Variants in GNPTAB observed in about 807,000 individuals in gnomAD.
The protein encoded by GNPTAB is N-acetylglucosamine-1-phosphate transferase subunits alpha and beta.
Under a neutral mutation model 136.6 loss-of-function variants are expected in GNPTAB, and 92 were observed. The ratio of observed to expected loss-of-function variants is 0.67; its 90% CI spans 0.57 to 0.80. The LOEUF is 0.80. Ranked by LOEUF, GNPTAB falls within the 30% of genes least tolerant of loss-of-function variation. The probability of loss-of-function intolerance (pLI) is 0.00; values close to 1 mark genes in which losing one functional copy is unlikely to be tolerated. For synonymous variants in GNPTAB, 512 were observed against 535.1 expected (o/e 0.96, Z 0.60); for missense variants, 1,343 against 1,501.8 (o/e 0.89, Z 1.75).
intron 7 of GNPTAB, among the ~76,000 whole-genome samples, chr12:101,772,909 C>T (rs150207620): frequency 0.056 from 8,552 of 152,214 alleles, 346 homozygotes; most frequent in East Asian, 0.12. Flanking sequence ...CTCCATCTCC[C>T]GGGTTCAAGT....
At chr12:101,793,536 G>A (rs1369087623) in intron 2 of GNPTAB, among the ~76,000 whole-genome samples, 1 of 152,118 alleles carries the variant, frequency 6.6e-6, no homozygotes, top group Non-Finnish European at 1.5e-5. Context: ...TGATCTGCAC[G>A]AGGTCAATGA....
intron 1 of GNPTAB, among the ~76,000 whole-genome samples, chr12:101,826,708 AAAT>A (rs1455692699): frequency 1.3e-5 from 2 of 152,052 alleles, no homozygotes; most frequent in Admixed American, 1.3e-4. Context: ...GATGGCCCTG[AAAT>A]AATAAATTTT....
chr12:101,768,020 GT>G lies in GNPTAB; in HGVS notation c.1408+16del. The G allele has an allele frequency of 6.2e-7, 1 of 1,613,406 alleles. No homozygotes were observed. The highest frequency in any genetic ancestry group is 8.5e-7 in the Non-Finnish European group (1 of 1,179,338). Reference sequence around the variant, plus strand: ...ATTCCATAAAAATGAACGAATTACAGTTTAACACATCCTTACCAGAGCAATC... The same window carrying G: ...ATTCCATAAAAATGAACGAATTACAGTTAACACATCCTTACCAGAGCAATC... On this transcript the variant is annotated intron_variant, in intron 11 of 20. Transcript: ENST00000299314.
rs370696342 is a variant in GNPTAB at position 101,780,233 on chromosome 12, C to G, written c.690G>C (p.Leu230=). The change falls in exon 7 of 21, where the codon CTG becomes CTC. Residue 230 remains leucine (L), a synonymous_variant. Transcript: ENST00000299314. ...GLVLMQDLAF[L]SGFPPTFKET... is the part of the protein sequence containing the mutation. ...CCTTGAATGTTGGTGGAAATCCACT[C>G]AGGAAAGCCAAATCTTGCATTAGCA... The G allele has an allele frequency of 6.2e-7, 1 of 1,613,602 alleles. No individual in the cohort carries two copies. Among genetic ancestry groups the G allele is most frequent in the African/African-American group, 1.3e-5 (1 of 75,034 alleles).
Position 101,803,628 on chromosome 12 carries a change from C to A in GNPTAB, c.118-6866G>T, listed in dbSNP as rs113973328. ...TGGCTACCCTCTTTGGATTCTCTAC[C>A]GCAATAGACACACAACATAACAGAT... On this transcript the variant is annotated intron_variant, in intron 1 of 20. Coordinates refer to ENST00000299314, the MANE Select transcript of GNPTAB (RefSeq NM_024312.5). Among the ~76,000 whole-genome samples, 575 of 152,240 alleles carry A rather than the reference C, an allele frequency of 3.8e-3. 13 individuals are homozygous for A. Among genetic ancestry groups the A allele is most frequent in the African/African-American group, 0.013 (524 of 41,548 alleles).
At chr12:101,775,342 C>A (rs927254563) in intron 7 of GNPTAB, among the ~76,000 whole-genome samples, 8 of 150,904 alleles carry the variant, frequency 5.3e-5, no homozygotes, top group Non-Finnish European at 8.8e-5. Flanking sequence ...TTCAACAATT[C>A]AAAGCTATTA....
intron 1 of GNPTAB, among the ~76,000 whole-genome samples, chr12:101,823,039 G>A (rs1419639167): frequency 6.6e-6 from 1 of 152,194 alleles, no homozygotes; most frequent in Non-Finnish European, 1.5e-5. Flanking sequence ...CCTTTCAAGA[G>A]ATTTGCTTAA....
At chr12:101,817,319 G>A (rs1281223916) in intron 1 of GNPTAB, among the ~76,000 whole-genome samples, 3 of 146,448 alleles carry the variant, frequency 2.0e-5, no homozygotes, top group Admixed American at 6.9e-5. Context: ...ACCCAGGGTG[G>A]AGCAGTGGCA....
In GNPTAB at chr12:101,757,557, G is replaced by A. The variant is rs373942566; in HGVS notation, c.3335+15C>T. ...CTCTTATACTAAACAAAGGGAGTAT[G>A]CGTGTACTACTTACCTATATTTGTT... is the stretch of plus-strand genomic sequence containing the variant. On this transcript the variant is annotated intron_variant, in intron 17 of 20. Transcript: ENST00000299314. 3 of 1,197,468 alleles carry A rather than the reference G, an allele frequency of 2.5e-6. No individual in the cohort carries two copies. In the African/African-American group the frequency reaches 4.5e-5, roughly 18 times the overall value. 74.2% of individuals were successfully genotyped at this position (1,197,468 alleles called of 1,614,324 possible). A position where few individuals can be genotyped will look rare whatever the true frequency, so the allele number is the denominator to read the frequency against.
At position 101,780,248 on chromosome 12, in the gene GNPTAB, T is replaced by G. The variant is rs567299047; in HGVS notation, c.675A>C (p.Gln225His). Residue 225 changes from glutamine to histidine, a missense_variant, in exon 7 of 21, where the codon CAA becomes CAC. Gln to His is a conservative substitution (Grantham distance 24, BLOSUM62 0). Transcript: ENST00000299314. ...GAAATCCACTCAGGAAAGCCAAATC[T>G]TGCATTAGCACTAATCCAGGGACTT... The part of the protein sequence containing the change: ...DKEVPGLVLM[Q>H]DLAFLSGFPP... 1 of 1,613,780 alleles carries G rather than the reference T, an allele frequency of 6.2e-7. No homozygotes were observed. The highest frequency in any genetic ancestry group is 1.1e-5 in the South Asian group (1 of 91,080).
intron 1 of GNPTAB, among the ~76,000 whole-genome samples, chr12:101,807,527 G>A (rs1027193754): frequency 6.6e-6 from 1 of 151,560 alleles, no homozygotes; most frequent in Non-Finnish European, 1.5e-5. Flanking sequence ...AAAAAAAACT[G>A]TCTTTGTTCA....
intron 1 of GNPTAB, among the ~76,000 whole-genome samples, chr12:101,826,094 C>T (rs1187952481): frequency 1.3e-5 from 2 of 152,166 alleles, no homozygotes; most frequent in African/African-American, 4.8e-5. Context: ...CAGTATAAGA[C>T]ACTGGTCACC....
chr12:101,783,385 A>G (rs1441317863), intron 5 of GNPTAB, among the ~76,000 whole-genome samples: 1 of 152,182 alleles, frequency 6.6e-6, no homozygotes, highest in Non-Finnish European at 1.5e-5. Context: ...AAGGAAAATA[A>G]AATGTCCCAA....
rs1953067028 is a variant in GNPTAB at position 101,765,035 on chromosome 12, G to A, written c.1882C>T (p.Gln628Ter). The part of the protein sequence containing the change: ...QNTNDEEFKM[Q>*]ITVEVDTREG... ...CTTGTGTCCACCTCCACTGTTATCT[G>A]CATTTTGAACTCTTCATCGTTTGTA... Residue 628 changes from glutamine to a stop codon, truncating the protein, a stop_gained, in exon 13 of 21, where the codon CAG (glutamine) becomes TAG (stop). Transcript: ENST00000299314. LOFTEE classifies it high-confidence loss of function. 6.2e-7 allele frequency: 1 copy of A among 1,614,092 alleles called. No individual in the cohort carries two copies. Among genetic ancestry groups the A allele is most frequent in the Non-Finnish European group, 8.5e-7 (1 of 1,179,992 alleles).
intron 18 of GNPTAB, chr12:101,756,428 A>T (rs1194712537): frequency 5.6e-6 from 2 of 354,210 alleles, no homozygotes; most frequent in African/African-American, 4.5e-5. Context: ...ACTCCATTTT[A>T]GCTGGGTGCA....
rs142065232 is a variant in GNPTAB at position 101,757,236 on chromosome 12, A to T, written c.3410T>A (p.Leu1137Ter). The change falls in exon 18 of 21, where the codon TTG becomes TAG. Residue 1137 changes from leucine (L) to a stop codon, truncating the protein, a stop_gained. Transcript: ENST00000299314. LOFTEE classifies it high-confidence loss of function. ...CCTAGGGTTTTTTCTTATGTCATCC[A>T]ACTGGCCAACCACATGAGAAACGTT... Reference protein sequence around the residue: ...RTNVSHVVGQLDDIRKNPRKF... With the variant: ...RTNVSHVVGQ 6 of 1,603,422 alleles carry T rather than the reference A, an allele frequency of 3.7e-6. No homozygotes were observed. In the African/African-American group the frequency reaches 5.4e-5, roughly 14 times the overall value.
At chr12:101,776,882 A>G (rs1434067734) in intron 7 of GNPTAB, among the ~76,000 whole-genome samples, 1 of 152,252 alleles carries the variant, frequency 6.6e-6, no homozygotes, top group African/African-American at 2.4e-5. Flanking sequence ...AGGCCATGGC[A>G]AAGGCCTCCT....
chr12:101,756,024 C>T (rs1952896076), intron 18 of GNPTAB, among the ~76,000 whole-genome samples: 1 of 152,138 alleles, frequency 6.6e-6, no homozygotes, highest in East Asian at 1.9e-4. Flanking sequence ...AGTCTGTACT[C>T]CCATCAAAAT....
intron 18 of GNPTAB, among the ~76,000 whole-genome samples, chr12:101,754,964 A>C (rs1440228244): frequency 6.6e-6 from 1 of 152,232 alleles, no homozygotes; most frequent in Non-Finnish European, 1.5e-5. Context: ...TTAACTTCAA[A>C]CCAACAAACT....
Sources: allele counts gnomAD v4.1 joint callset (sites outside exome capture counted in the v4.1 genomes callset), GRCh38; gene constraint gnomAD v4.1.1; transcripts MANE v1.5; gene names NCBI Gene and HGNC (gene_info 2026-07-23, HGNC 2026-07-21).